The following MTCL1 variants were observed in gnomAD, a reference collection of about 807,000 sequenced individuals.
MTCL1 encodes the protein microtubule cross-linking factor 1.
In MTCL1, 79 loss-of-function variants were observed where a neutral mutation model predicts 141.4. The ratio of observed to expected loss-of-function variants is 0.56; its 90% CI spans 0.47 to 0.67. The LOEUF is 0.67. Ranked by LOEUF, MTCL1 falls within the 30% of genes least tolerant of loss-of-function variation. The pLI is 0.00. For missense variants in MTCL1, 2,177 were observed against 2,113.9 expected, an observed-to-expected ratio of 1.03 and a Z score of -0.59; for synonymous variants, 914 against 875.8, an observed-to-expected ratio of 1.04 and a Z score of -0.77.
intron 10 of MTCL1, among the ~76,000 whole-genome samples, chr18:8,805,345 G>A (rs773472120): frequency 2.0e-5 from 3 of 152,144 alleles, no homozygotes; most frequent in African/African-American, 7.2e-5. Context: ...ACATATAAGT[G>A]AGAACATGCG....
chr18:8,821,626 G>A lies in MTCL1; in HGVS notation c.3188+128G>A, dbSNP rs1242042341. 2.3e-5 allele frequency: 12 copies of A among 518,550 alleles called. No homozygotes were observed. In the East Asian group the frequency reaches 2.8e-4, roughly 12 times the overall value. 32.1% of individuals were successfully genotyped at this position (518,550 alleles called of 1,614,324 possible). A position where few individuals can be genotyped will look rare whatever the true frequency, so the allele number is the denominator to read the frequency against. ...GACTTAAAATTATGCCACTTCTGAAGAAGTGGCTGCTTTATTATTCATTTC... is the reference window on the plus strand; with the variant it reads ...GACTTAAAATTATGCCACTTCTGAAAAAGTGGCTGCTTTATTATTCATTTC... On this transcript the variant is annotated intron_variant, in intron 14 of 16. Coordinates refer to ENST00000359865, the Ensembl canonical transcript of MTCL1.
intron 10 of MTCL1, among the ~76,000 whole-genome samples, chr18:8,806,572 G>A (rs1407402045): frequency 6.6e-6 from 1 of 152,136 alleles, no homozygotes; most frequent in Non-Finnish European, 1.5e-5. Context: ...AGGGCCCACA[G>A]CACCTCTGTG....
chr18:8,798,556 G>C (rs1477427928), intron 10 of MTCL1, among the ~76,000 whole-genome samples: 1 of 152,142 alleles, frequency 6.6e-6, no homozygotes, highest in Non-Finnish European at 1.5e-5. Context: ...TCAATGCTGC[G>C]TGTCGCTGCT....
exon 6 of MTCL1, chr18:8,784,065 G>A (rs1417361876): frequency 7.4e-6 from 12 of 1,613,406 alleles, no homozygotes; most frequent in Non-Finnish European, 9.3e-6. Flanking sequence ...CGGGAGCCGG[G>A]CTGGCTAGGA....
intron 13 of MTCL1, among the ~76,000 whole-genome samples, chr18:8,820,986 C>T (rs900793203): frequency 6.7e-6 from 1 of 149,638 alleles, no homozygotes; most frequent in Non-Finnish European, 1.5e-5. Flanking sequence ...ACCAAGTGCC[C>T]GAGTCTAAGG....
chr18:8,742,584 C>A (rs1302775160), intron 4 of MTCL1, among the ~76,000 whole-genome samples: 2 of 152,154 alleles, frequency 1.3e-5, no homozygotes, highest in Non-Finnish European at 2.9e-5. Context: ...AGGAAACCAC[C>A]CTCATGATTC....
intron 4 of MTCL1, among the ~76,000 whole-genome samples, chr18:8,754,956 A>C (rs1340111524): frequency 6.6e-6 from 1 of 152,120 alleles, no homozygotes; most frequent in Non-Finnish European, 1.5e-5. Flanking sequence ...AGAGCCCCTG[A>C]TGTGAGCAGC....
At chr18:8,766,711 C>A (rs1049379982) in intron 4 of MTCL1, among the ~76,000 whole-genome samples, 1 of 152,218 alleles carries the variant, frequency 6.6e-6, no homozygotes, top group Non-Finnish European at 1.5e-5. Context: ...AATGCCTGCT[C>A]CCAGCTGTAG....
rs117877365 is a variant in MTCL1 at position 8,740,304 on chromosome 18, A to G, written c.357+19808A>G. On this transcript the variant is annotated intron_variant, in intron 4 of 16. Transcript: ENST00000359865. ...AGAGCTCTCTTACTCCTATGTGTTTAGAGAAGCAGGAACCCTCTGAAGCAT... is the reference window on the plus strand; with the variant it reads ...AGAGCTCTCTTACTCCTATGTGTTTGGAGAAGCAGGAACCCTCTGAAGCAT... Among the ~76,000 whole-genome samples, 1,426 of 152,310 alleles carry G rather than the reference A, an allele frequency of 9.4e-3. 61 individuals are homozygous for G. The East Asian group carries it at 0.1, about 11-fold the overall frequency.
rs181718504 is a variant in MTCL1 at position 8,788,230 on chromosome 18, C to T, written c.1887+2139C>T. On this transcript the variant is annotated intron_variant, in intron 7 of 16. Coordinates refer to ENST00000359865, the Ensembl canonical transcript of MTCL1. ...TGAGGCAGGGCTGGAGCTGGAGGTC[C>T]TGCCGGCAGCTTTCTTTGCTCCCTT... Among the ~76,000 whole-genome samples, 15 of 152,288 alleles carry T rather than the reference C, an allele frequency of 9.8e-5. No individual in the cohort carries two copies. In the East Asian group the frequency reaches 2.7e-3, roughly 27 times the overall value.
intron 4 of MTCL1, among the ~76,000 whole-genome samples, 197 bp downstream of exon 3, chr18:8,720,693 G>GA (rs1406151288): frequency 6.6e-6 from 1 of 152,196 alleles, no homozygotes; most frequent in Non-Finnish European, 1.5e-5. Context: ...AAACTCACAG[G>GA]AAAGAAAGCC....
At chr18:8,725,439 T>C (rs1345590935) in intron 4 of MTCL1, among the ~76,000 whole-genome samples, 7 of 152,210 alleles carry the variant, frequency 4.6e-5, no homozygotes, top group Non-Finnish European at 1.0e-4. Context: ...AAGACTTCAA[T>C]TGTAACCCAC....
intron 5 of MTCL1, among the ~76,000 whole-genome samples, chr18:8,778,843 T>C (rs947433230): frequency 2.0e-5 from 3 of 152,252 alleles, no homozygotes; most frequent in African/African-American, 7.2e-5. Flanking sequence ...AGGGAAGATC[T>C]TTTCCTTAAA....
In MTCL1 at chr18:8,705,783, G is replaced by A; in HGVS notation, c.123G>A (p.Ala41=). The A allele has an allele frequency of 8.4e-7, 1 of 1,196,616 alleles. No homozygotes were observed. Among genetic ancestry groups the A allele is most frequent in the Non-Finnish European group, 1.0e-6 (1 of 964,768 alleles). 74.1% of individuals were successfully genotyped at this position (1,196,616 alleles called of 1,614,324 possible). The stretch of plus-strand genomic sequence containing the variant: ...CCGAAAGGCGGCGGCTGCACCGTGC[G>A]CCCTCGCCCGCCAGACCCTTCCTCA... The change falls in exon 1 of 14, where the codon GCG becomes GCA. Residue 41 remains alanine (A), a synonymous_variant. Transcript: ENST00000306329. The surrounding 1 kb of genome is among the most constrained non-coding windows in gnomAD (Gnocchi z 5.2).
chr18:8,817,693 C>T (rs925295566), intron 12 of MTCL1, among the ~76,000 whole-genome samples: 11 of 152,194 alleles, frequency 7.2e-5, no homozygotes, highest in African/African-American at 1.4e-4. Flanking sequence ...TTTCCTGGAA[C>T]GGTCTCAGCA....
chr18:8,783,906 G>A, exon 6 of MTCL1: 2 of 1,613,404 alleles, frequency 1.2e-6, no homozygotes, highest in Non-Finnish European at 1.7e-6. Context: ...TCACCCTTCG[G>A]TGACTCCCTG....
At chr18:8,737,106 C>T (rs990694645) in intron 4 of MTCL1, among the ~76,000 whole-genome samples, 1 of 152,162 alleles carries the variant, frequency 6.6e-6, no homozygotes, top group African/African-American at 2.4e-5. Context: ...ATGAGCTGCA[C>T]TGGATATTGC....
chr18:8,716,709 G>A (rs116330379), upstream of MTCL1, among the ~76,000 whole-genome samples: 1,792 of 151,976 alleles, frequency 0.012, 43 homozygotes, highest in African/African-American at 0.041. Flanking sequence ...ATAGCAGGAC[G>A]AGAATGGACA....
At chr18:8,831,917 G>GT in exon 17 of MTCL1, 1 of 1,295,604 alleles carries the variant, frequency 7.7e-7, no homozygotes, top group Non-Finnish European at 1.1e-6. Flanking sequence ...GTCAAAGAAT[G>GT]TTTTTTAAAA....
Sources: gnomAD v4.1 joint callset for allele counts (sites outside exome capture counted in the v4.1 genomes callset) on GRCh38, gnomAD v4.1.1 for gene constraint, Gnocchi (gnomAD v3.1) non-coding constraint, MANE v1.5 for transcripts, NCBI Gene and HGNC (gene_info 2026-07-23, HGNC 2026-07-21) for gene names.